The following PTCHD4 variants were observed in gnomAD, a reference collection of about 807,000 sequenced individuals.
PTCHD4 encodes patched domain containing 4.
Under a neutral mutation model 58.1 loss-of-function variants are expected in PTCHD4, and 33 were observed. The ratio of observed to expected loss-of-function variants is 0.57; its 90% CI spans 0.43 to 0.76. The LOEUF (loss-of-function observed/expected upper bound fraction) is 0.76, where lower values mean the gene tolerates loss of function less well. PTCHD4 is among the 30% of genes least tolerant of loss of function. The probability of loss-of-function intolerance (pLI) is 0.00; values close to 1 mark genes in which losing one functional copy is unlikely to be tolerated. For synonymous variants in PTCHD4, 478 were observed against 409.6 expected (o/e 1.17, Z -2.02); for missense variants, 1,058 against 1,027.1 (o/e 1.03, Z -0.41).
Position 47,865,205 on chromosome 6 carries a change from A to G in PTCHD4, c.*13098T>C, listed in dbSNP as rs1763529586. On this transcript the variant is annotated 3_prime_UTR_variant, in exon 5 of 5. Transcript: ENST00000339488. ...TGAGTATCCAGTAATTTTACATGGA[A>G]AAAAGTATAAAAGATTAGACTGCCT... Among the ~76,000 whole-genome samples, 1 of 151,982 alleles carries G rather than the reference A, an allele frequency of 6.6e-6. No individual in the cohort carries two copies. The highest frequency in any genetic ancestry group is 6.6e-5 in the Admixed American group (1 of 15,230).
Position 47,868,493 on chromosome 6 carries a change from A to C in PTCHD4, c.*9810T>G, listed in dbSNP as rs2114073431. Among the ~76,000 whole-genome samples the C allele has an allele frequency of 6.6e-6, 1 of 151,912 alleles. No homozygotes were observed. The highest frequency in any genetic ancestry group is 2.1e-4 in the South Asian group (1 of 4,828). ...TCATTAGGTCATGAGCAGGCAACTG[A>C]TAAGCTGGAGAAGTCTTTTATATTT... On this transcript the variant is annotated 3_prime_UTR_variant, in exon 5 of 5. Transcript: ENST00000339488.
At chr6:47,932,530 A>T (rs1337083281) in intron 4 of PTCHD4, among the ~76,000 whole-genome samples, 1 of 152,240 alleles carries the variant, frequency 6.6e-6, no homozygotes, top group African/African-American at 2.4e-5. Context: ...GAAATTTCCT[A>T]AAAGGTACAT....
At chr6:47,960,041 C>T (rs1425102321) in intron 4 of PTCHD4, among the ~76,000 whole-genome samples, 1 of 151,626 alleles carries the variant, frequency 6.6e-6, no homozygotes, top group Non-Finnish European at 1.5e-5. Flanking sequence ...AAATATGTGG[C>T]AATAATAATA....
At chr6:48,098,414 C>T (rs1360001952) in intron 1 of PTCHD4, among the ~76,000 whole-genome samples, 1 of 151,160 alleles carries the variant, frequency 6.6e-6, no homozygotes, top group Non-Finnish European at 1.5e-5. Flanking sequence ...TCTCCGCTCG[C>T]TGCAACCTCC....
chr6:47,970,369 G>A (rs2113986414), intron 4 of PTCHD4, among the ~76,000 whole-genome samples: 1 of 152,276 alleles, frequency 6.6e-6, no homozygotes, highest in Admixed American at 6.5e-5. Flanking sequence ...GACTAAGCAT[G>A]GGGAAAGATG....
chr6:48,104,685 G>C (rs1765682095), intron 1 of PTCHD4, among the ~76,000 whole-genome samples: 1 of 152,172 alleles, frequency 6.6e-6, no homozygotes. Context: ...AGACCCATCA[G>C]TGTGCTGTAT....
rs763574434 is a variant in PTCHD4 at position 47,867,818 on chromosome 6, T to C, written c.*10485A>G. 9.2e-5 allele frequency among the ~76,000 whole-genome samples: 14 copies of C among 151,764 alleles called. No individual in the cohort carries two copies. Among genetic ancestry groups the C allele is most frequent in the South Asian group, 4.1e-4 (2 of 4,826 alleles). Reference sequence around the variant, plus strand: ...TCAACAGATCATGCATACCTCAAAGTCAGGAACTATGAATAGTTTAGTGGT... The same window carrying C: ...TCAACAGATCATGCATACCTCAAAGCCAGGAACTATGAATAGTTTAGTGGT... On this transcript the variant is annotated 3_prime_UTR_variant, in exon 5 of 5. Transcript: ENST00000339488.
At chr6:47,922,903 A>C (rs1188957476) in intron 4 of PTCHD4, among the ~76,000 whole-genome samples, 1 of 152,192 alleles carries the variant, frequency 6.6e-6, no homozygotes, top group African/African-American at 2.4e-5. Context: ...CCTTTGCTGA[A>C]TGCATATATC....
intron 1 of PTCHD4, among the ~76,000 whole-genome samples, chr6:48,084,524 A>G (rs1765226107): frequency 6.6e-6 from 1 of 152,172 alleles, no homozygotes; most frequent in Non-Finnish European, 1.5e-5. Flanking sequence ...GTTTGGCAGC[A>G]CAATGCATAT....
chr6:48,000,734 C>A (rs1052887517), intron 4 of PTCHD4, among the ~76,000 whole-genome samples: 17 of 152,118 alleles, frequency 1.1e-4, no homozygotes, highest in Non-Finnish European at 2.1e-4. Flanking sequence ...TTTCCTTTAC[C>A]TATAGTAGGT....
intron 3 of PTCHD4, among the ~76,000 whole-genome samples, chr6:48,066,847 G>A (rs1168654868): frequency 6.7e-6 from 1 of 149,820 alleles, no homozygotes; most frequent in Non-Finnish European, 1.5e-5. Context: ...AGAATCTCTA[G>A]TTTCTAAGTG....
intron 4 of PTCHD4, among the ~76,000 whole-genome samples, chr6:47,931,277 T>C (rs1245859807): frequency 2.0e-5 from 3 of 152,232 alleles, no homozygotes; most frequent in Non-Finnish European, 4.4e-5. Flanking sequence ...TCCTTGTTCC[T>C]GGTCATTAAG....
chr6:47,990,043 C>A (rs1427963679), intron 4 of PTCHD4, among the ~76,000 whole-genome samples: 2 of 152,166 alleles, frequency 1.3e-5, no homozygotes, highest in Non-Finnish European at 2.9e-5. Context: ...TCAGTGTGAC[C>A]TCGATGTGGG....
rs151233622 is a variant in PTCHD4, at chr6:48,045,114, A to G, written c.417+23116T>C. ...AACTCTGCATATCATCCCTACATCA[A>G]TCACAGGAGGAGAGGAAGATCCTCA... On this transcript the variant is annotated intron_variant, in intron 3 of 4. Transcript: ENST00000339488. Among the ~76,000 whole-genome samples, 559 of 151,836 alleles carry G rather than the reference A, an allele frequency of 3.7e-3. 3 individuals carry two copies. Among genetic ancestry groups the G allele is most frequent in the African/African-American group, 0.013 (545 of 41,490 alleles).
At chr6:47,958,953 T>G (rs1766976264) in intron 4 of PTCHD4, among the ~76,000 whole-genome samples, 1 of 152,162 alleles carries the variant, frequency 6.6e-6, no homozygotes, top group South Asian at 2.1e-4. Context: ...AAAGGATCAG[T>G]TTCCAAGAAA....
intron 4 of PTCHD4, among the ~76,000 whole-genome samples, chr6:47,911,400 C>A (rs1221373111): frequency 2.0e-5 from 3 of 152,114 alleles, no homozygotes; most frequent in African/African-American, 4.8e-5. Flanking sequence ...AAAGTTTTAG[C>A]AATTTCCTGT....
intron 4 of PTCHD4, among the ~76,000 whole-genome samples, chr6:47,896,076 G>A (rs1764519780): frequency 6.6e-6 from 1 of 152,192 alleles, no homozygotes; most frequent in South Asian, 2.1e-4. Flanking sequence ...AGCAGACTGA[G>A]GTTTTGGGGA....
At chr6:47,890,715 AG>A (rs925518122) in intron 4 of PTCHD4, among the ~76,000 whole-genome samples, 9 of 151,810 alleles carry the variant, frequency 5.9e-5, no homozygotes, top group East Asian at 1.9e-4. Context: ...TGGCTTTGTA[AG>A]GGGGGGGATT....
intron 4 of PTCHD4, among the ~76,000 whole-genome samples, chr6:47,903,192 T>A (rs567148233): frequency 6.6e-6 from 1 of 152,292 alleles, no homozygotes; most frequent in Non-Finnish European, 1.5e-5. Context: ...GCTTGACTAG[T>A]TTCTTGAATA....
Sources: allele counts gnomAD v4.1 joint callset (sites outside exome capture counted in the v4.1 genomes callset), GRCh38; gene constraint gnomAD v4.1.1; transcripts MANE v1.5; gene names NCBI Gene and HGNC (gene_info 2026-07-23, HGNC 2026-07-21).